CNTNAP2: variants seen among roughly 807,000 people sequenced by gnomAD.
CNTNAP2 encodes the protein contactin associated protein 2, also known as contactin-associated protein-like 2.
CNTNAP2 carries 98 observed loss-of-function variants against 155.2 expected under a neutral mutation model. The observed-to-expected ratio is 0.63, with a 90% CI of 0.54 to 0.75. The LOEUF (loss-of-function observed/expected upper bound fraction) is 0.75. Ranked by LOEUF, CNTNAP2 falls within the 30% of genes least tolerant of loss-of-function variation. CNTNAP2 has a pLI of 0.00. For synonymous variants in CNTNAP2, 651 were observed against 631.2 expected (o/e 1.03, Z -0.47); for missense variants, 1,727 against 1,688.1 (o/e 1.02, Z -0.40).
At chr7:146,602,733 A>C (rs1798970663) in intron 1 of CNTNAP2, among the ~76,000 whole-genome samples, 1 of 152,204 alleles carries the variant, frequency 6.6e-6, no homozygotes, top group African/African-American at 2.4e-5. Flanking sequence ...ATTAAGAATC[A>C]GTTGTGCTAG....
chr7:147,000,219 A>T (rs1246811485), intron 3 of CNTNAP2, among the ~76,000 whole-genome samples: 2 of 151,866 alleles, frequency 1.3e-5, no homozygotes, highest in East Asian at 3.9e-4. Flanking sequence ...TGTTTGATTT[A>T]ATATTATTAT....
rs549611555 is a variant in CNTNAP2 at position 147,454,484 on chromosome 7, A to G, written c.1671-31451A>G. On this transcript the variant is annotated intron_variant, in intron 10 of 23. Transcript: ENST00000361727. The stretch of plus-strand genomic sequence containing the variant: ...ATATATATTCAGTATATCATTTTAT[A>G]TTTGACCAAAATCACAAATCTATTA... 2.0e-5 allele frequency among the ~76,000 whole-genome samples: 3 copies of G among 152,168 alleles called. No homozygotes were observed. In the South Asian group the frequency reaches 6.2e-4, roughly 32 times the overall value.
chr7:148,397,917 A>G (rs1177483351), intron 22 of CNTNAP2, among the ~76,000 whole-genome samples: 1 of 152,250 alleles, frequency 6.6e-6, no homozygotes, highest in Non-Finnish European at 1.5e-5. Context: ...CAAGAAGAGA[A>G]CAGCTCAGAC....
intron 15 of CNTNAP2, among the ~76,000 whole-genome samples, chr7:148,083,261 T>G (rs1803651022): frequency 6.6e-6 from 1 of 152,148 alleles, no homozygotes; most frequent in Non-Finnish European, 1.5e-5. Flanking sequence ...TAAATGCACA[T>G]GATAATTTAT....
chr7:146,525,532 TTATCTATCTATCTATCTATC>T (rs71175655), intron 1 of CNTNAP2, among the ~76,000 whole-genome samples: 1 of 147,842 alleles, frequency 6.8e-6, no homozygotes, highest in African/African-American at 2.5e-5. Flanking sequence ...TCTTTTCAGT[TTATCTATCTATCTATCTATC>T]TATCTATCTA....
intron 3 of CNTNAP2, among the ~76,000 whole-genome samples, chr7:146,952,151 C>T (rs958864259): frequency 6.6e-6 from 1 of 152,114 alleles, no homozygotes; most frequent in Non-Finnish European, 1.5e-5. Context: ...CATAATCCAT[C>T]ACATAAACAG....
At chr7:146,194,853 T>C (rs1000906931) in intron 1 of CNTNAP2, among the ~76,000 whole-genome samples, 1 of 152,170 alleles carries the variant, frequency 6.6e-6, no homozygotes, top group Admixed American at 6.6e-5. Flanking sequence ...CAAAATGTAG[T>C]AAGAAAATGA....
intron 13 of CNTNAP2, among the ~76,000 whole-genome samples, chr7:147,686,967 A>G (rs1024400452): frequency 2.6e-5 from 4 of 152,142 alleles, no homozygotes; most frequent in Non-Finnish European, 5.9e-5. Flanking sequence ...GGGTGACTAC[A>G]GTTAACATTT....
At position 148,322,182 on chromosome 7, in the gene CNTNAP2, C is replaced by A. The variant is rs746930948; in HGVS notation, c.3475+55056C>A. ...AGGGGATCCGCCCACCTTGGCCTCC[C>A]AAAGTGCTAGTATTATAGGCGTGAG... On this transcript the variant is annotated intron_variant, in intron 21 of 23. Coordinates refer to ENST00000361727, the MANE Select transcript of CNTNAP2 (RefSeq NM_014141.6). 7.2e-5 allele frequency among the ~76,000 whole-genome samples: 11 copies of A among 152,298 alleles called. No homozygotes were observed. The East Asian group carries it at 2.1e-3, about 29-fold the overall frequency.
intron 1 of CNTNAP2, among the ~76,000 whole-genome samples, chr7:146,612,854 A>T (rs997806107): frequency 6.6e-6 from 1 of 151,502 alleles, no homozygotes; most frequent in Admixed American, 6.6e-5. Context: ...CAGCTCATTT[A>T]AAAACTACTA....
intron 4 of CNTNAP2, among the ~76,000 whole-genome samples, chr7:147,049,081 C>T (rs919041958): frequency 5.9e-5 from 9 of 152,140 alleles, no homozygotes; most frequent in East Asian, 1.9e-4. Context: ...CTGCATCTGG[C>T]GAAGGCCTTC....
chr7:146,453,360 G>A (rs1331160867), intron 1 of CNTNAP2, among the ~76,000 whole-genome samples: 2 of 152,156 alleles, frequency 1.3e-5, no homozygotes, highest in Non-Finnish European at 2.9e-5. Flanking sequence ...CAGTAGTAAA[G>A]CAAAATTAAC....
At chr7:148,404,539 C>T (rs546615945) in intron 22 of CNTNAP2, among the ~76,000 whole-genome samples, 2 of 152,324 alleles carry the variant, frequency 1.3e-5, no homozygotes, top group East Asian at 3.9e-4. Context: ...GGACGGCGAG[C>T]ACACAGGCAA....
intron 2 of CNTNAP2, among the ~76,000 whole-genome samples, chr7:146,824,645 T>C (rs1039171551): frequency 3.3e-5 from 5 of 152,184 alleles, no homozygotes; most frequent in Admixed American, 2.6e-4. Flanking sequence ...CCAGCGATCA[T>C]GAGCTTTTTT....
At chr7:147,008,844 T>A (rs747931033) in intron 3 of CNTNAP2, among the ~76,000 whole-genome samples, 4 of 152,106 alleles carry the variant, frequency 2.6e-5, no homozygotes, top group Non-Finnish European at 5.9e-5. Context: ...ATAAAGTGGT[T>A]ATTCTTTTTC....
chr7:146,200,310 A>C (rs1310466027), intron 1 of CNTNAP2, among the ~76,000 whole-genome samples: 4 of 152,052 alleles, frequency 2.6e-5, no homozygotes, highest in Non-Finnish European at 5.9e-5. Context: ...CCTGGCCCAC[A>C]TGGTGAAACC....
At chr7:147,450,317 A>G (rs1797809626) in intron 10 of CNTNAP2, among the ~76,000 whole-genome samples, 1 of 152,352 alleles carries the variant, frequency 6.6e-6, no homozygotes, top group South Asian at 2.1e-4. Context: ...TGTCTGGCTC[A>G]CATTCAGCCA....
intron 9 of CNTNAP2, among the ~76,000 whole-genome samples, chr7:147,395,302 G>C (rs1436748447): frequency 6.6e-6 from 1 of 152,014 alleles, no homozygotes; most frequent in Non-Finnish European, 1.5e-5. Flanking sequence ...GTGAGTCTTT[G>C]ACAGCAGAGG....
chr7:147,930,019 G>A (rs554542978), intron 14 of CNTNAP2, among the ~76,000 whole-genome samples: 3 of 152,058 alleles, frequency 2.0e-5, no homozygotes, highest in South Asian at 2.1e-4. Flanking sequence ...ATGCTCACTC[G>A]CCCGCCTCAC....
Sources: allele counts gnomAD v4.1 joint callset (sites outside exome capture counted in the v4.1 genomes callset), GRCh38; gene constraint gnomAD v4.1.1; transcripts MANE v1.5; gene names NCBI Gene and HGNC (gene_info 2026-07-23, HGNC 2026-07-21).